The following CLNK variants were observed in gnomAD, a reference collection of about 807,000 sequenced individuals.
The protein encoded by CLNK is cytokine dependent hematopoietic cell linker, also known as cytokine-dependent hematopoietic cell linker.
Under a neutral mutation model 68.6 loss-of-function variants are expected in CLNK, and 74 were observed. That is an observed-to-expected ratio of 1.08 (90% CI 0.89 to 1.31). The LOEUF (loss-of-function observed/expected upper bound fraction) is 1.31, where lower values mean the gene tolerates loss of function less well. CLNK is among the 50% of genes most tolerant of loss of function. The probability of loss-of-function intolerance (pLI) is 0.00; values close to 1 mark genes in which losing one functional copy is unlikely to be tolerated. For synonymous variants in CLNK, 198 were observed against 172.2 expected (o/e 1.15, Z -1.17); for missense variants, 553 against 515.3 (o/e 1.07, Z -0.71).
At chr4:10,716,165 G>A in the CLNK span, among the ~76,000 whole-genome samples, 1,750 of 152,174 alleles carry the variant, frequency 0.011, 25 homozygotes, top group African/African-American at 0.033. Context: ...TTCTTCTTTC[G>A]AACATTAACT....
At chr4:10,499,730 C>T (rs1716963728) in intron 18 of CLNK, among the ~76,000 whole-genome samples, 1 of 152,180 alleles carries the variant, frequency 6.6e-6, no homozygotes. Flanking sequence ...GTTCTCGAGG[C>T]TGAAGTCCCA....
chr4:10,631,902 G>T (rs1722906313), intron 2 of CLNK, among the ~76,000 whole-genome samples: 1 of 152,118 alleles, frequency 6.6e-6, no homozygotes, highest in South Asian at 2.1e-4. Flanking sequence ...ATTCAAATAT[G>T]TCTTTTTTTG....
chr4:10,501,655 G>A (rs1443776743), intron 17 of CLNK, among the ~76,000 whole-genome samples: 5 of 152,206 alleles, frequency 3.3e-5, no homozygotes, highest in South Asian at 4.2e-4. Context: ...GGCCAGGTGC[G>A]GTGGCTCACC....
At chr4:10,605,088 C>G (rs1343466494) in intron 2 of CLNK, among the ~76,000 whole-genome samples, 5 of 152,186 alleles carry the variant, frequency 3.3e-5, no homozygotes, top group Non-Finnish European at 7.3e-5. Context: ...GAGTTTCCAG[C>G]CTATTGCCCT....
chr4:10,517,651 C>T (rs1217870018), intron 15 of CLNK, among the ~76,000 whole-genome samples: 1 of 152,176 alleles, frequency 6.6e-6, no homozygotes, highest in Non-Finnish European at 1.5e-5. Context: ...TTCGGTATTT[C>T]CTATCACTTA....
chr4:10,683,209 C>T (rs140576944), intron 1 of CLNK, among the ~76,000 whole-genome samples: 1 of 152,164 alleles, frequency 6.6e-6, no homozygotes, highest in Non-Finnish European at 1.5e-5. Flanking sequence ...CCATTTTGAT[C>T]AGGCGTCAAA....
chr4:10,667,138 G>C (rs909371005), intron 2 of CLNK, among the ~76,000 whole-genome samples: 2 of 152,170 alleles, frequency 1.3e-5, no homozygotes, highest in African/African-American at 4.8e-5. Flanking sequence ...TAAAATGACA[G>C]GGCAAGGGAG....
chr4:10,528,002 A>G (rs1406115250), intron 13 of CLNK, 74 bp downstream of exon 13: 5 of 792,500 alleles, frequency 6.3e-6, no homozygotes, highest in Non-Finnish European at 9.0e-6. Flanking sequence ...TTTAATAACC[A>G]TGAGCACTGT....
intron 17 of CLNK, among the ~76,000 whole-genome samples, chr4:10,502,021 C>T (rs992369440): frequency 2.6e-5 from 4 of 152,214 alleles, no homozygotes; most frequent in African/African-American, 9.6e-5. Flanking sequence ...ACCTATCTTG[C>T]AGTTTGATCT....
the CLNK span, among the ~76,000 whole-genome samples, chr4:10,715,812 T>C: frequency 1.3e-5 from 2 of 152,216 alleles, no homozygotes; most frequent in African/African-American, 4.8e-5. Context: ...TCATCAGGCA[T>C]GGTTATCTCA....
intron 2 of CLNK, among the ~76,000 whole-genome samples, chr4:10,667,405 T>A (rs1724441884): frequency 7.9e-6 from 1 of 126,804 alleles, no homozygotes; most frequent in South Asian, 2.6e-4. Context: ...ACTATAGACA[T>A]CAGGGATGGC....
rs1273249018 is a variant in CLNK at position 10,497,996 on chromosome 4, G to A, written c.1140+3260C>T. Among the ~76,000 whole-genome samples the A allele has an allele frequency of 3.3e-5, 5 of 152,230 alleles. No individual in the cohort carries two copies. The East Asian group carries it at 9.7e-4, about 29-fold the overall frequency. ...AGATCACCTGAGGTCGGGAGTTCCA[G>A]ACCAGCCTGACCAACATGGAGCAAC... On this transcript the variant is annotated intron_variant, in intron 18 of 18. Coordinates refer to ENST00000226951, the MANE Select transcript of CLNK (RefSeq NM_052964.4).
chr4:10,519,983 G>C (rs1388434044), intron 15 of CLNK, among the ~76,000 whole-genome samples: 1 of 151,944 alleles, frequency 6.6e-6, no homozygotes, highest in African/African-American at 2.4e-5. Flanking sequence ...AGGATCAGTG[G>C]AGAACCTCAT....
At chr4:10,510,081 G>A (rs1424504839) in intron 16 of CLNK, among the ~76,000 whole-genome samples, 2 of 152,118 alleles carry the variant, frequency 1.3e-5, no homozygotes, top group Non-Finnish European at 2.9e-5. Context: ...TCATCAAGTC[G>A]GTTTTTATTT....
intron 2 of CLNK, among the ~76,000 whole-genome samples, chr4:10,647,558 G>A (rs1348774590): frequency 6.6e-6 from 1 of 152,118 alleles, no homozygotes; most frequent in Non-Finnish European, 1.5e-5. Context: ...ATGGACATAT[G>A]ATTGAGCTCT....
At chr4:10,725,484 C>T in the CLNK span, among the ~76,000 whole-genome samples, 1 of 152,114 alleles carries the variant, frequency 6.6e-6, no homozygotes. Context: ...CGTGCAGGTT[C>T]CTCGGCCATC....
intron 12 of CLNK, among the ~76,000 whole-genome samples, chr4:10,531,076 A>G (rs971246749): frequency 2.6e-5 from 4 of 152,244 alleles, no homozygotes; most frequent in African/African-American, 9.6e-5. Context: ...ACAAATGAAA[A>G]AGAAAGCAAG....
chr4:10,673,380 T>C (rs1347130746), intron 1 of CLNK, among the ~76,000 whole-genome samples: 1 of 151,890 alleles, frequency 6.6e-6, no homozygotes, highest in Non-Finnish European at 1.5e-5. Flanking sequence ...CTTGCCTGAT[T>C]GCCCTGGACA....
chr4:10,554,112 G>A (rs2159246), intron 8 of CLNK, among the ~76,000 whole-genome samples: 6,165 of 152,244 alleles, frequency 0.04, 188 homozygotes, highest in Middle Eastern at 0.099. Context: ...TATAGAGGCC[G>A]CTAGTCCCAG....
Sources: gnomAD v4.1 joint callset for allele counts (sites outside exome capture counted in the v4.1 genomes callset) on GRCh38, gnomAD v4.1.1 for gene constraint, MANE v1.5 for transcripts, NCBI Gene and HGNC (gene_info 2026-07-23, HGNC 2026-07-21) for gene names.